CDH18: variants seen among roughly 807,000 people sequenced by gnomAD.
CDH18 encodes cadherin-18.
In CDH18, 31 loss-of-function variants were observed where a neutral mutation model predicts 67.9. That is an observed-to-expected ratio of 0.46 (90% CI 0.34 to 0.62). The LOEUF is 0.62. CDH18 is among the 20% of genes least tolerant of loss of function. The probability of loss-of-function intolerance (pLI) is 0.01; values close to 1 mark genes in which losing one functional copy is unlikely to be tolerated. For synonymous variants in CDH18, 362 were observed against 347.2 expected (o/e 1.04, Z -0.48); for missense variants, 890 against 975.5 (o/e 0.91, Z 1.17).
chr5:20,388,233 C>T (rs921670009), intron 1 of CDH18, among the ~76,000 whole-genome samples: 4 of 152,122 alleles, frequency 2.6e-5, no homozygotes, highest in African/African-American at 9.7e-5. Flanking sequence ...TAATTATTGC[C>T]TCAATTTCAG....
chr5:19,593,471 G>C (rs1330541783), intron 6 of CDH18, among the ~76,000 whole-genome samples: 6 of 151,944 alleles, frequency 3.9e-5, no homozygotes, highest in African/African-American at 2.4e-5. Flanking sequence ...GTGTTCTTTA[G>C]AGAAACAGCT....
intron 9 of CDH18, among the ~76,000 whole-genome samples, chr5:19,528,439 C>A (rs997323922): frequency 2.6e-5 from 4 of 150,962 alleles, no homozygotes; most frequent in Middle Eastern, 3.4e-3. Flanking sequence ...GAATCAACAT[C>A]AAAAATAATA....
intron 2 of CDH18, among the ~76,000 whole-genome samples, chr5:20,145,494 A>C (rs1750571796): frequency 6.6e-6 from 1 of 152,206 alleles, no homozygotes; most frequent in Non-Finnish European, 1.5e-5. Context: ...AAAGCATTAC[A>C]TGTCAAGAGC....
intron 1 of CDH18, among the ~76,000 whole-genome samples, chr5:20,360,869 A>G (rs1296061783): frequency 6.6e-6 from 1 of 152,130 alleles, no homozygotes; most frequent in Admixed American, 6.6e-5. Flanking sequence ...ACTTGCAAAG[A>G]TATGATTTAC....
At chr5:20,295,726 C>CAA (rs922097290) in intron 1 of CDH18, among the ~76,000 whole-genome samples, 1 of 121,998 alleles carries the variant, frequency 8.2e-6, no homozygotes. Context: ...GACTCTGTCT[C>CAA]AAAAAAAAAA....
At chr5:20,447,099 C>A (rs1750062302) in intron 1 of CDH18, among the ~76,000 whole-genome samples, 1 of 152,038 alleles carries the variant, frequency 6.6e-6, no homozygotes, top group African/African-American at 2.4e-5. Context: ...GCTGTTTCTC[C>A]TTTGAATTTT....
intron 1 of CDH18, among the ~76,000 whole-genome samples, chr5:20,430,826 T>C (rs1748679288): frequency 6.6e-6 from 1 of 152,164 alleles, no homozygotes; most frequent in African/African-American, 2.4e-5. Context: ...CAAATCAGAA[T>C]CTTTCAGATT....
chr5:19,552,132 T>G (rs1239943400), intron 8 of CDH18, among the ~76,000 whole-genome samples: 1 of 152,182 alleles, frequency 6.6e-6, no homozygotes, highest in Non-Finnish European at 1.5e-5. Context: ...CATATCTAGA[T>G]AAGATATTTA....
At chr5:20,317,272 G>A (rs1042629623) in intron 1 of CDH18, among the ~76,000 whole-genome samples, 4 of 151,988 alleles carry the variant, frequency 2.6e-5, no homozygotes, top group Admixed American at 6.6e-5. Flanking sequence ...TGACAGCTGT[G>A]TAAAGAAGCA....
In CDH18 at chr5:19,747,090, C is replaced by A. The variant is rs776240500; in HGVS notation, c.375G>T (p.Val125=). The part of the protein sequence containing the change: ...SLDREQKTHY[V]LHAQAIDRRT... ...GTCTATCAATAGCTTGAGCATGAAG[C>A]ACATAGTGGGTCTTCTGCTCTCTGT... The change falls in exon 4 of 13, where the codon GTG becomes GTT. Residue 125 remains valine, a synonymous_variant. Coordinates refer to ENST00000382275, the MANE Select transcript of CDH18 (RefSeq NM_004934.5). 8 of 1,614,058 alleles carry A rather than the reference C, an allele frequency of 5.0e-6. No individual in the cohort carries two copies. Among genetic ancestry groups the A allele is most frequent in the Non-Finnish European group, 6.8e-6 (8 of 1,180,018 alleles).
intron 1 of CDH18, among the ~76,000 whole-genome samples, chr5:20,256,931 T>C (rs1441806726): frequency 1.7e-5 from 2 of 114,298 alleles, no homozygotes; most frequent in Non-Finnish European, 3.4e-5. Context: ...AGTAGCTTGG[T>C]GGTATCTATC....
At chr5:19,730,231 T>C (rs1165472388) in intron 4 of CDH18, among the ~76,000 whole-genome samples, 1 of 152,186 alleles carries the variant, frequency 6.6e-6, no homozygotes, top group Non-Finnish European at 1.5e-5. Flanking sequence ...GTCCCTCCAT[T>C]TTTGTAACTT....
At chr5:20,249,904 G>C (rs1743699103) in intron 2 of CDH18, among the ~76,000 whole-genome samples, 1 of 151,176 alleles carries the variant, frequency 6.6e-6, no homozygotes. Flanking sequence ...CCTTAACTAG[G>C]AAACTGCTGG....
intron 1 of CDH18, among the ~76,000 whole-genome samples, chr5:20,397,348 C>G (rs1170840390): frequency 5.3e-5 from 8 of 151,944 alleles, no homozygotes; most frequent in Non-Finnish European, 1.2e-4. Flanking sequence ...GCCGGGCTGG[C>G]CTAGAACTCC....
At chr5:20,438,218 C>T (rs73766068) in intron 1 of CDH18, among the ~76,000 whole-genome samples, 2 of 144,912 alleles carry the variant, frequency 1.4e-5, no homozygotes, top group African/African-American at 2.5e-5. Context: ...GTCAGACTTT[C>T]TTGCCCCTGC....
intron 1 of CDH18, among the ~76,000 whole-genome samples, chr5:20,276,516 G>A (rs923433538): frequency 2.6e-5 from 4 of 152,132 alleles, no homozygotes; most frequent in African/African-American, 9.7e-5. Context: ...GAACCCTTGA[G>A]CCCTGAATAG....
At chr5:19,732,554 A>C (rs1014719734) in intron 4 of CDH18, among the ~76,000 whole-genome samples, 6 of 152,184 alleles carry the variant, frequency 3.9e-5, no homozygotes, top group Admixed American at 1.3e-4. Context: ...TATGTCATCA[A>C]AATCAAGCAT....
intron 3 of CDH18, among the ~76,000 whole-genome samples, chr5:19,781,898 T>C (rs1775158327): frequency 1.3e-5 from 2 of 152,306 alleles, no homozygotes; most frequent in South Asian, 4.1e-4. Flanking sequence ...AATTAACATA[T>C]ATGGATATCA....
At chr5:19,941,782 G>A (rs1340099460) in intron 2 of CDH18, among the ~76,000 whole-genome samples, 1 of 151,612 alleles carries the variant, frequency 6.6e-6, no homozygotes, top group Non-Finnish European at 1.5e-5. Flanking sequence ...GCAAAACCCT[G>A]CCTCTCAAAA....
Sources: allele counts gnomAD v4.1 joint callset (sites outside exome capture counted in the v4.1 genomes callset), GRCh38; gene constraint gnomAD v4.1.1; transcripts MANE v1.5; gene names NCBI Gene and HGNC (gene_info 2026-07-23, HGNC 2026-07-21).